ORC4: variants seen among roughly 807,000 people sequenced by gnomAD.
ORC4 encodes origin recognition complex subunit 4.
ORC4 carries 55 observed loss-of-function variants against 63.9 expected under a neutral mutation model. The ratio of observed to expected loss-of-function variants is 0.86; its 90% CI spans 0.69 to 1.08. The LOEUF (loss-of-function observed/expected upper bound fraction) is 1.08, where lower values mean the gene tolerates loss of function less well. ORC4 is among the 50% of genes least tolerant of loss of function. The probability of loss-of-function intolerance (pLI) is 0.00; values close to 1 mark genes in which losing one functional copy is unlikely to be tolerated. For synonymous variants in ORC4, 150 were observed against 168.5 expected (o/e 0.89, Z 0.85); for missense variants, 511 against 504.4 (o/e 1.01, Z -0.13).
At chr2:147,973,213 T>C (rs1479622338) in intron 3 of ORC4, among the ~76,000 whole-genome samples, 1 of 152,178 alleles carries the variant, frequency 6.6e-6, no homozygotes, top group African/African-American at 2.4e-5. Context: ...CTCCACAGTA[T>C]CAGATAACAG....
At chr2:147,992,663 G>A (rs1295196101) in intron 1 of ORC4, among the ~76,000 whole-genome samples, 3 of 152,088 alleles carry the variant, frequency 2.0e-5, no homozygotes, top group Non-Finnish European at 2.9e-5. Context: ...CCTTTGCCAC[G>A]TTTACAGACT....
intron 1 of ORC4, among the ~76,000 whole-genome samples, chr2:148,016,747 G>A (rs1431107193): frequency 6.6e-6 from 1 of 152,174 alleles, no homozygotes; most frequent in African/African-American, 2.4e-5. Context: ...TGATTGTAAT[G>A]ACCTATTTTA....
At chr2:147,993,550 G>A (rs997017868) in intron 1 of ORC4, among the ~76,000 whole-genome samples, 13 of 152,216 alleles carry the variant, frequency 8.5e-5, no homozygotes, top group Middle Eastern at 6.8e-3. Context: ...TCAACGAAAC[G>A]ATATTCTCCA....
intron 4 of ORC4, among the ~76,000 whole-genome samples, chr2:147,967,688 TAGAA>T (rs748401866): frequency 6.6e-4 from 101 of 152,092 alleles, no homozygotes; most frequent in Non-Finnish European, 1.3e-3. Flanking sequence ...ACTCACATGA[TAGAA>T]AGAATGAATA....
intron 3 of ORC4, 22 bp downstream of exon 3, chr2:147,973,426 T>G: frequency 4.8e-6 from 7 of 1,460,012 alleles, no homozygotes; most frequent in Non-Finnish European, 6.7e-6. Context: ...TCCATAACAG[T>G]CAAGAGGACA....
Position 147,939,236 on chromosome 2 carries a change from T to C in ORC4, c.862A>G (p.Asn288Asp). The C allele has an allele frequency of 6.2e-7, 1 of 1,610,036 alleles. No individual in the cohort carries two copies. Among genetic ancestry groups the C allele is most frequent in the South Asian group, 1.1e-5 (1 of 90,998 alleles). ...SLHMLLMLAL[N>D]RVTASHPFMT... ...AATGGGTGCGATGCTGTTACTCGAT[T>C]TAAAGCAAGCATCTAGGGAAAGACA... Residue 288 changes from asparagine (N) to aspartate (D), a missense_variant, in exon 11 of 14, where the codon AAT (asparagine) becomes GAT (aspartate). By Grantham distance (23) the Asn-to-Asp change is conservative. Transcript: ENST00000392857.
At chr2:148,021,500 T>A, upstream of ORC4, 1 of 566,892 alleles carries the variant, frequency 1.8e-6, no homozygotes, top group Non-Finnish European at 3.4e-6. Context: ...CTGCTGCTAC[T>A]GCTGCTGCTG....
intron 2 of ORC4, among the ~76,000 whole-genome samples, chr2:147,975,401 C>T (rs900507459): frequency 2.0e-5 from 3 of 151,734 alleles, no homozygotes; most frequent in African/African-American, 7.3e-5. Context: ...AGACTGAATG[C>T]TGCTGTTTCT....
intron 1 of ORC4, among the ~76,000 whole-genome samples, chr2:147,979,332 A>C (rs1690734247): frequency 2.6e-5 from 4 of 152,310 alleles, no homozygotes; most frequent in Non-Finnish European, 5.9e-5. Flanking sequence ...TAAAATTAAA[A>C]ACCAGTCCTA....
intron 4 of ORC4, 29 bp from the exon 5 acceptor site, chr2:147,958,895 A>G: frequency 1.1e-6 from 1 of 912,238 alleles, no homozygotes; most frequent in East Asian, 2.6e-5. Flanking sequence ...TGAAATAATA[A>G]TAGGTAAAAG....
chr2:147,952,330 T>A, intron 8 of ORC4, 43 bp downstream of exon 8: 2 of 1,405,188 alleles, frequency 1.4e-6, no homozygotes, highest in Non-Finnish European at 2.0e-6. Flanking sequence ...GCTTGAATTT[T>A]AAAATATTAT....
At chr2:148,008,511 T>C in intron 1 of ORC4, among the ~76,000 whole-genome samples, 1 of 152,134 alleles carries the variant, frequency 6.6e-6, no homozygotes, top group East Asian at 1.9e-4. Flanking sequence ...TGCCTTCTAG[T>C]TTTAAACTTA....
rs373956423 is a variant in ORC4 at position 147,965,968 on chromosome 2, C to T, written c.225+6771G>A. 2.4e-4 allele frequency among the ~76,000 whole-genome samples: 37 copies of T among 152,192 alleles called. 1 individual carries two copies. Among genetic ancestry groups the T allele is most frequent in the Middle Eastern group, 6.8e-3 (2 of 294 alleles). ...CACCTGTAACCCCAACACTTTGAGA[C>T]GCCAAGGTGGGAGGATCCCTTGAGC... On this transcript the variant is annotated intron_variant, in intron 4 of 13. Transcript: ENST00000392857.
chr2:147,949,686 A>G (rs1688845838), intron 8 of ORC4, among the ~76,000 whole-genome samples: 1 of 152,172 alleles, frequency 6.6e-6, no homozygotes, highest in African/African-American at 2.4e-5. Context: ...CTAAAAATAC[A>G]TTCTAAAATA....
intron 1 of ORC4, among the ~76,000 whole-genome samples, chr2:148,006,229 C>T (rs878871138): frequency 2.0e-5 from 3 of 152,166 alleles, no homozygotes; most frequent in Admixed American, 2.0e-4. Flanking sequence ...TGCTCTGTAA[C>T]AGCAGAACAC....
chr2:147,983,547 C>A (rs1691013453), intron 1 of ORC4, among the ~76,000 whole-genome samples: 1 of 152,100 alleles, frequency 6.6e-6, no homozygotes, highest in Non-Finnish European at 1.5e-5. Context: ...GTCATAGGGA[C>A]CTTTAAGGTT....
chr2:147,967,598 G>C (rs1364245952), intron 4 of ORC4, among the ~76,000 whole-genome samples: 1 of 151,630 alleles, frequency 6.6e-6, no homozygotes, highest in South Asian at 2.1e-4. Flanking sequence ...GAGGTGAAAG[G>C]TACAGTTTTG....
At chr2:147,947,499 A>G (rs1195567608) in intron 9 of ORC4, among the ~76,000 whole-genome samples, 1 of 152,050 alleles carries the variant, frequency 6.6e-6, no homozygotes, top group Non-Finnish European at 1.5e-5. Context: ...AAAACAACAT[A>G]TGAACCTGCC....
intron 1 of ORC4, among the ~76,000 whole-genome samples, chr2:147,989,263 G>A (rs534029596): frequency 1.3e-5 from 2 of 152,244 alleles, no homozygotes; most frequent in South Asian, 4.1e-4. Flanking sequence ...TGGCTACAGA[G>A]TGGCAGGGGG....
Sources: gnomAD v4.1 joint callset for allele counts (sites outside exome capture counted in the v4.1 genomes callset) on GRCh38, gnomAD v4.1.1 for gene constraint, MANE v1.5 for transcripts, NCBI Gene and HGNC (gene_info 2026-07-23, HGNC 2026-07-21) for gene names.